RPP40: variants seen among roughly 807,000 people sequenced by gnomAD.
RPP40 encodes ribonuclease P/MRP subunit p40.
In RPP40, 30 loss-of-function variants were observed where a neutral mutation model predicts 42.5. The ratio of observed to expected loss-of-function variants is 0.71; its 90% confidence interval spans 0.53 to 0.96. RPP40 has a LOEUF of 0.96. Among genes scored for constraint, RPP40 ranks in the 40% least tolerant of loss-of-function variants. The probability of loss-of-function intolerance (pLI) is 0.00; values close to 1 mark genes in which losing one functional copy is unlikely to be tolerated. For synonymous variants in RPP40, 173 were observed against 164.0 expected, an observed-to-expected ratio of 1.05 and a Z score of -0.42; for missense variants, 426 against 433.5, an observed-to-expected ratio of 0.98 and a Z score of 0.15.
intron 1 of RPP40, among the ~76,000 whole-genome samples, chr6:5,002,629 T>C (rs1759597610): frequency 6.6e-6 from 1 of 152,164 alleles, no homozygotes; most frequent in Admixed American, 6.5e-5. Flanking sequence ...CCTGGTGTTA[T>C]CCTGGAATGA....
At chr6:5,002,025 A>G in intron 2 of RPP40, 76 bp downstream of exon 2, 2 of 1,315,712 alleles carry the variant, frequency 1.5e-6, no homozygotes, top group East Asian at 2.3e-5. Context: ...ACAAAACAAC[A>G]GCCCTAGCAT....
At chr6:5,003,488 C>A in intron 1 of RPP40, 1 of 168,498 alleles carries the variant, frequency 5.9e-6, no homozygotes, top group Non-Finnish European at 1.3e-5. Context: ...AGGCGCGAGA[C>A]CCGCCCTGAT....
rs1364576364 is a variant in RPP40 at position 5,003,367 on chromosome 6, AG to A, written c.123+512del. Among the ~76,000 whole-genome samples, 13 of 141,684 alleles carry A rather than the reference AG, an allele frequency of 9.2e-5. 1 individual carries two copies. The highest frequency in any genetic ancestry group is 6.6e-4 in the South Asian group (3 of 4,534). The allele number at this position is 141,684 out of a possible 152,430, so 93.0% of individuals were successfully genotyped here. ...GTCTAAAAAAAAAAAAAAAAAAAAA[AG>A]GAAAATCAGTCGCTTCCTGGGCCGA... On this transcript the variant is annotated intron_variant, in intron 1 of 7. Coordinates refer to ENST00000380051, the MANE Select transcript of RPP40 (RefSeq NM_006638.4).
At chr6:4,998,547 T>C (rs776711224) in intron 5 of RPP40, 169 bp downstream of exon 5, 42 of 453,206 alleles carry the variant, frequency 9.3e-5, no homozygotes, top group Non-Finnish European at 1.2e-4. Flanking sequence ...TCCTGAACTA[T>C]GGTTTTCAGA....
intron 7 of RPP40, among the ~76,000 whole-genome samples, 171 bp downstream of exon 7, chr6:4,995,780 G>A (rs996358332): frequency 1.3e-5 from 2 of 152,212 alleles, no homozygotes; most frequent in East Asian, 3.8e-4. Flanking sequence ...GAGAAGATAT[G>A]CTTACTAAAT....
intron 1 of RPP40, chr6:5,003,654 G>C: frequency 2.0e-6 from 1 of 503,990 alleles, no homozygotes; most frequent in Non-Finnish European, 3.4e-6. Context: ...TCCAGACTGG[G>C]TACCGCCCCC....
chr6:4,998,795 C>T lies in RPP40; in HGVS notation c.480G>A (p.Lys160=). The change falls in exon 5 of 8, where the codon AAG becomes AAA. Residue 160 remains lysine (K), a synonymous_variant. Transcript: ENST00000380051. ...AAGACCAAGATATTCTTTCATACTT[C>T]TTAGAATCCAAGTTTAAGGATAATT... is the stretch of plus-strand genomic sequence containing the variant. ...LMELSLNLDS[K]KYERISWSFK... The T allele has an allele frequency of 6.7e-7, 1 of 1,502,288 alleles. No individual in the cohort carries two copies. The highest frequency in any genetic ancestry group is 1.2e-5 in the South Asian group (1 of 81,362). 93.1% of individuals were successfully genotyped at this position (1,502,288 alleles called of 1,614,324 possible).
chr6:5,002,127 T>G lies in RPP40; in HGVS notation c.242A>C (p.Glu81Ala). 6.2e-7 allele frequency: 1 copy of G among 1,613,108 alleles called. No individual in the cohort carries two copies. Among genetic ancestry groups the G allele is most frequent in the Non-Finnish European group, 8.5e-7 (1 of 1,179,252 alleles). The change falls in exon 2 of 8, where the codon GAA becomes GCA. Residue 81 changes from glutamate to alanine, a missense_variant. Coordinates refer to ENST00000380051, the MANE Select transcript of RPP40 (RefSeq NM_006638.4). ...NLPLHELITP[E>A]FISTFIKKGS... ...TTTCTTTATAAAGGTACTGATGAATTCAGGTGTAATTAATTCATGAAGAGG... is the reference window on the plus strand; with the variant it reads ...TTTCTTTATAAAGGTACTGATGAATGCAGGTGTAATTAATTCATGAAGAGG...
At chr6:4,999,453 C>T (rs6933548) in intron 4 of RPP40, among the ~76,000 whole-genome samples, 22,347 of 152,036 alleles carry the variant, frequency 0.15, 2,164 homozygotes, top group Non-Finnish European at 0.21. Context: ...CATGCGCCAC[C>T]ACGCCCAGCT....
At chr6:5,003,164 C>T (rs982545387) in intron 1 of RPP40, among the ~76,000 whole-genome samples, 1 of 151,688 alleles carries the variant, frequency 6.6e-6, no homozygotes, top group African/African-American at 2.4e-5. Context: ...CTGGCTAACA[C>T]GGTGAAACCT....
downstream of RPP40, among the ~76,000 whole-genome samples, chr6:4,990,728 A>C (rs1465878334): frequency 6.9e-6 from 1 of 144,684 alleles, no homozygotes; most frequent in African/African-American, 2.6e-5. Flanking sequence ...TGATCCTCCC[A>C]CCTCAACTTC....
In RPP40 at chr6:4,995,011, C is replaced by A. The variant is rs1261051804; in HGVS notation, c.*67G>T. The stretch of plus-strand genomic sequence containing the variant: ...CACAAGCCTGAGTGGACACACAGAC[C>A]TTTTACCATTAAGAAATCTGAAAGC... On this transcript the variant is annotated 3_prime_UTR_variant, in exon 8 of 8. Coordinates refer to ENST00000380051, the MANE Select transcript of RPP40 (RefSeq NM_006638.4). 23 of 1,378,516 alleles carry A rather than the reference C, an allele frequency of 1.7e-5. No individual in the cohort carries two copies. Among genetic ancestry groups the A allele is most frequent in the East Asian group, 4.7e-5 (2 of 42,878 alleles). The allele number at this position is 1,378,516 out of a possible 1,614,324, so 85.4% of individuals were successfully genotyped here.
chr6:4,995,949 A>C lies in RPP40; in HGVS notation c.893+2T>G. On this transcript the variant is annotated splice_donor_variant, in intron 7 of 7. Transcript: ENST00000380051. LOFTEE classifies it high-confidence loss of function. ...GCGATATAAAAGGTAAAGAGTTCTC[A>C]CCAGAGATGTTCCAATAGGAGACAG... is the stretch of plus-strand genomic sequence containing the variant. 1 of 1,613,848 alleles carries C rather than the reference A, an allele frequency of 6.2e-7. No homozygotes were observed. The highest frequency in any genetic ancestry group is 8.5e-7 in the Non-Finnish European group (1 of 1,179,764).
At chr6:4,999,387 C>G (rs758324305) in intron 4 of RPP40, among the ~76,000 whole-genome samples, 4 of 150,880 alleles carry the variant, frequency 2.7e-5, no homozygotes, top group Non-Finnish European at 5.9e-5. Context: ...CAAACTCCCC[C>G]TCCCGGGTTC....
Position 5,002,258 on chromosome 6 carries a change from G to A in RPP40, c.124-13C>T. On this transcript the variant is annotated splice_polypyrimidine_tract_variant and intron_variant, in intron 1 of 7. Coordinates refer to ENST00000380051, the MANE Select transcript of RPP40 (RefSeq NM_006638.4). The stretch of plus-strand genomic sequence containing the variant: ...TGAGAAATGAAACCTATTGGAATGT[G>A]TAATACAAACAAGGTCTTACTTCCA... The A allele has an allele frequency of 6.3e-7, 1 of 1,598,740 alleles. No homozygotes were observed. The highest frequency in any genetic ancestry group is 8.5e-7 in the Non-Finnish European group (1 of 1,174,020).
intron 7 of RPP40, 71 bp from the exon 8 acceptor site, chr6:4,995,347 T>C: frequency 9.2e-7 from 1 of 1,090,780 alleles, no homozygotes; most frequent in Non-Finnish European, 1.3e-6. Flanking sequence ...AAAAAATTTA[T>C]TCAGGATAAG....
Position 4,998,752 on chromosome 6 carries a change from A to G in RPP40, c.523T>C (p.Leu175=), listed in dbSNP as rs1759455862. 1 of 1,563,876 alleles carries G rather than the reference A, an allele frequency of 6.4e-7. No homozygotes were observed. Among genetic ancestry groups the G allele is most frequent in the African/African-American group, 1.4e-5 (1 of 72,756 alleles). The part of the protein sequence containing the change: ...ISWSFKEKKP[L]KFDFLLAWHK... ...CAAGCCAAAAGAAAATCAAATTTCA[A>G]TGGCTTCTTTTCTTTGAAAGACCAA... Residue 175 remains leucine (L), a synonymous_variant, in exon 5 of 8, where the codon TTG becomes CTG. Coordinates refer to ENST00000380051, the MANE Select transcript of RPP40 (RefSeq NM_006638.4).
chr6:5,003,719 A>T, intron 1 of RPP40, 161 bp downstream of exon 1: 1 of 879,154 alleles, frequency 1.1e-6, no homozygotes, highest in Non-Finnish European at 1.7e-6. Context: ...CCACTGGCTT[A>T]GAGCAGTTAA....
In RPP40 at chr6:4,996,280, A is replaced by G; in HGVS notation, c.700T>C (p.Ser234Pro). Residue 234 changes from serine to proline, a missense_variant, in exon 6 of 8, where the codon TCC becomes CCC. Transcript: ENST00000380051. ...TCGAAGAGCTCCAGAGCCCGGCAGGACACCTCTGGCGTTCCCTCCAGCTCG... is the reference window on the plus strand; with the variant it reads ...TCGAAGAGCTCCAGAGCCCGGCAGGGCACCTCTGGCGTTCCCTCCAGCTCG... ...SSELEGTPEVSCRALELFDWL... is the reference protein window; with the variant it reads ...SSELEGTPEVPCRALELFDWL... The G allele has an allele frequency of 1.2e-5, 19 of 1,614,130 alleles. No homozygotes were observed. Among genetic ancestry groups the G allele is most frequent in the Non-Finnish European group, 1.5e-5 (18 of 1,180,040 alleles).
Sources: gnomAD v4.1 joint callset for allele counts (sites outside exome capture counted in the v4.1 genomes callset) on GRCh38, gnomAD v4.1.1 for gene constraint, MANE v1.5 for transcripts, NCBI Gene and HGNC (gene_info 2026-07-23, HGNC 2026-07-21) for gene names.